The following ITGAE variants were observed in gnomAD, a reference collection of about 807,000 sequenced individuals.
The protein encoded by ITGAE is integrin alpha-E.
Under a neutral mutation model 136.5 loss-of-function variants are expected in ITGAE, and 99 were observed. The ratio of observed to expected loss-of-function variants is 0.73; its 90% CI spans 0.62 to 0.86. ITGAE has a LOEUF of 0.86. Among genes scored for constraint, ITGAE ranks in the 40% least tolerant of loss-of-function variants. The pLI is 0.00. For missense variants in ITGAE, 1,447 were observed against 1,515.3 expected (o/e 0.95, Z 0.75); for synonymous variants, 613 against 591.8 (o/e 1.04, Z -0.52).
chr17:3,748,258 G>A (rs1294248063), intron 16 of ITGAE, among the ~76,000 whole-genome samples: 1 of 152,186 alleles, frequency 6.6e-6, no homozygotes, highest in Admixed American at 6.5e-5. Flanking sequence ...GAGAAACAGG[G>A]AGATACTATG....
intron 26 of ITGAE, chr17:3,725,720 AGACGACCAGCTCTTCATT>A: frequency 6.4e-7 from 1 of 1,572,700 alleles, no homozygotes; most frequent in Non-Finnish European, 8.6e-7. Context: ...ATTTTTTTAA[AGACGACCAGCTCTTCATT>A]GTGCTGGAAT....
chr17:3,778,301 G>T (rs944862191), intron 1 of ITGAE, among the ~76,000 whole-genome samples: 3 of 152,168 alleles, frequency 2.0e-5, no homozygotes, highest in African/African-American at 7.2e-5. Context: ...AGTGGCTCAT[G>T]CCTGTAATCC....
At chr17:3,786,018 T>A (rs972522291) in intron 1 of ITGAE, among the ~76,000 whole-genome samples, 1 of 151,558 alleles carries the variant, frequency 6.6e-6, no homozygotes, top group South Asian at 2.1e-4. Flanking sequence ...ATACAAAAAA[T>A]TAGCCGGGCG....
intron 1 of ITGAE, among the ~76,000 whole-genome samples, chr17:3,791,001 A>C (rs2143467941): frequency 1.3e-5 from 2 of 151,796 alleles, no homozygotes; most frequent in South Asian, 4.2e-4. Flanking sequence ...AAAACTACAA[A>C]AAAATTAGCC....
intron 1 of ITGAE, among the ~76,000 whole-genome samples, chr17:3,797,969 C>A (rs2053161596): frequency 6.6e-6 from 1 of 152,218 alleles, no homozygotes; most frequent in Non-Finnish European, 1.5e-5. Flanking sequence ...GAACTCCAAG[C>A]TCCCCCAGGC....
intron 4 of ITGAE, 52 bp from the exon 5 acceptor site, chr17:3,761,572 G>A (rs1207219858): frequency 2.0e-5 from 30 of 1,502,512 alleles, no homozygotes; most frequent in South Asian, 6.1e-5. Flanking sequence ...CCCGATTCCC[G>A]AGCCACAGCC....
At chr17:3,724,454 C>T (rs2051156884) in intron 26 of ITGAE, 11 of 1,613,658 alleles carry the variant, frequency 6.8e-6, no homozygotes, top group Non-Finnish European at 9.3e-6. Context: ...GCTCTCTGGC[C>T]TCGCCCTGCC....
rs893941171 is a variant in ITGAE, at chr17:3,798,904, T to C, written c.34+2207A>G. Among the ~76,000 whole-genome samples the C allele has an allele frequency of 6.6e-6, 1 of 152,140 alleles. No individual in the cohort carries two copies. The highest frequency in any genetic ancestry group is 1.5e-5 in the Non-Finnish European group (1 of 68,016). On this transcript the variant is annotated intron_variant, in intron 1 of 30. Transcript: ENST00000263087. This position sits in a 1 kb window ranked among gnomAD's most constrained non-coding sequence, Gnocchi z 4.3. ...GACAGTTCCAGGGTTTCAGTGTCTG[T>C]CTGCACCCAATGCTTCTAAAATCTC...
At position 3,747,950 on chromosome 17, in the gene ITGAE, G is replaced by A; in HGVS notation, c.2127C>T (p.Ile709=). 1 of 1,611,620 alleles carries A rather than the reference G, an allele frequency of 6.2e-7. No homozygotes were observed. Among genetic ancestry groups the A allele is most frequent in the African/African-American group, 1.3e-5 (1 of 74,916 alleles). The change falls in exon 17 of 31, where the codon ATC becomes ATT. Residue 709 remains isoleucine, a synonymous_variant. Coordinates refer to ENST00000263087, the MANE Select transcript of ITGAE (RefSeq NM_002208.5). ...GVVNVRLCFE[I]SSVTTASESG... is the part of the protein sequence containing the mutation. ...ACTCAGAGGCTGTGGTTACAGAGCT[G>A]ATTTCAAAACATAAACGGACATTCA...
chr17:3,735,003 A>C, intron 20 of ITGAE, 54 bp from the exon 21 acceptor site: 2 of 1,596,858 alleles, frequency 1.3e-6, no homozygotes, highest in Non-Finnish European at 1.7e-6. Context: ...TAAAAACCTC[A>C]ACGCAATACA....
intron 20 of ITGAE, among the ~76,000 whole-genome samples, chr17:3,737,655 G>A (rs1215454890): frequency 1.3e-5 from 2 of 152,172 alleles, no homozygotes; most frequent in Admixed American, 6.6e-5. Flanking sequence ...TATTAACAGC[G>A]TTGCCTAATC....
At chr17:3,748,091 T>A (rs776158986) in intron 16 of ITGAE, 39 bp from the exon 17 acceptor site, 2 of 1,588,444 alleles carry the variant, frequency 1.3e-6, no homozygotes, top group Non-Finnish European at 1.7e-6. Context: ...AAGTGACTGC[T>A]CAGCCTCTGG....
intron 19 of ITGAE, among the ~76,000 whole-genome samples, chr17:3,742,797 C>A (rs533400014): frequency 1.6e-3 from 249 of 152,182 alleles, no homozygotes; most frequent in Middle Eastern, 3.4e-3. Flanking sequence ...GACTACAGGC[C>A]CATGCCACCA....
intron 21 of ITGAE, among the ~76,000 whole-genome samples, chr17:3,732,862 C>A (rs2051376331): frequency 6.6e-6 from 1 of 152,224 alleles, no homozygotes; most frequent in Non-Finnish European, 1.5e-5. Context: ...TGCCACGTAG[C>A]CACCAGGGCT....
intron 1 of ITGAE, among the ~76,000 whole-genome samples, chr17:3,778,537 TGAGCAACA>T (rs1367709641): frequency 6.6e-6 from 1 of 152,028 alleles, no homozygotes; most frequent in Non-Finnish European, 1.5e-5. Context: ...CACTCCAGCC[TGAGCAACA>T]GAGCAAGACT....
intron 20 of ITGAE, 77 bp from the exon 21 acceptor site, chr17:3,735,026 C>T (rs1472554559): frequency 2.0e-6 from 3 of 1,535,624 alleles, no homozygotes; most frequent in South Asian, 1.1e-5. Context: ...AGGACATTCA[C>T]CGAGGCTAGA....
Position 3,751,890 on chromosome 17 carries a change from A to C in ITGAE, c.1669-16T>G. ...AAGAACCATCCTGTAAAGCAAACAAACAGCTCAGCCCTCAAGAAGGGGTGC... is the reference window on the plus strand; with the variant it reads ...AAGAACCATCCTGTAAAGCAAACAACCAGCTCAGCCCTCAAGAAGGGGTGC... On this transcript the variant is annotated splice_polypyrimidine_tract_variant and intron_variant, in intron 14 of 30. Transcript: ENST00000263087. The C allele has an allele frequency of 6.2e-7, 1 of 1,606,808 alleles. No homozygotes were observed. Among genetic ancestry groups the C allele is most frequent in the Non-Finnish European group, 8.5e-7 (1 of 1,173,538 alleles).
chr17:3,797,310 C>T (rs1220115470), intron 1 of ITGAE, among the ~76,000 whole-genome samples: 1 of 148,210 alleles, frequency 6.7e-6, no homozygotes, highest in Non-Finnish European at 1.5e-5. Flanking sequence ...GGACTACAGG[C>T]ACCCGCCACC....
chr17:3,789,583 C>T (rs1371019027), intron 1 of ITGAE, among the ~76,000 whole-genome samples: 1 of 151,884 alleles, frequency 6.6e-6, no homozygotes, highest in African/African-American at 2.4e-5. Context: ...TCACTGCAAC[C>T]TCTGCCTCCC....
Sources: gnomAD v4.1 joint callset for allele counts (sites outside exome capture counted in the v4.1 genomes callset) on GRCh38, gnomAD v4.1.1 for gene constraint, Gnocchi (gnomAD v3.1) non-coding constraint, MANE v1.5 for transcripts, NCBI Gene and HGNC (gene_info 2026-07-23, HGNC 2026-07-21) for gene names.